Variants in PIWIL2 observed in about 807,000 individuals in gnomAD.
The protein encoded by PIWIL2 is piwi like RNA-mediated gene silencing 2.
A neutral mutation model predicts 116.5 loss-of-function variants in PIWIL2; 81 were observed. That is an observed-to-expected ratio of 0.70 (90% CI 0.58 to 0.84). The LOEUF is 0.84. Ranked by LOEUF, PIWIL2 falls within the 40% of genes least tolerant of loss-of-function variation. The pLI, the probability that PIWIL2 is intolerant of heterozygous loss-of-function variation, is 0.00. For missense variants in PIWIL2, 1,272 were observed against 1,212.3 expected, an observed-to-expected ratio of 1.05 and a Z score of -0.73; for synonymous variants, 489 against 429.5, an observed-to-expected ratio of 1.14 and a Z score of -1.71.
chr8:22,314,831 ATG>A (rs536104435), intron 17 of PIWIL2, among the ~76,000 whole-genome samples, 196 bp from the exon 18 acceptor site: 7 of 150,720 alleles, frequency 4.6e-5, no homozygotes, highest in African/African-American at 1.5e-4. Flanking sequence ...GTGTGTGTGT[ATG>A]TGTGTGTGTG....
At chr8:22,314,548 G>A (rs569023685) in intron 17 of PIWIL2, 119 bp downstream of exon 17, 17 of 473,154 alleles carry the variant, frequency 3.6e-5, no homozygotes, top group Non-Finnish European at 5.2e-5. Flanking sequence ...TATGTGCTGA[G>A]CCTTCTGGTG....
At position 22,281,316 on chromosome 8, in the gene PIWIL2, A is replaced by C. The variant is rs915178398; in HGVS notation, c.287-61A>C. On this transcript the variant is annotated intron_variant, in intron 3 of 22. Transcript: ENST00000356766. ...TAACTGTGCTTTTTTTAAAAAAAAA[A>C]ACTATACTTTAAAACACGTTTAAGT... is the stretch of plus-strand genomic sequence containing the variant. 3.2e-6 allele frequency: 5 copies of C among 1,571,260 alleles called. No homozygotes were observed. In the African/African-American group the frequency reaches 4.2e-5, roughly 13 times the overall value.
Position 22,295,043 on chromosome 8 carries a change from T to C in PIWIL2, c.1181+4697T>C, listed in dbSNP as rs1235375365. 2.0e-5 allele frequency among the ~76,000 whole-genome samples: 3 copies of C among 151,878 alleles called. No homozygotes were observed. The East Asian group carries it at 5.8e-4, about 29-fold the overall frequency. ...GCAGTGAGCCGAGATCGTGCCAGTG[T>C]ACTCTAGCCTGGGCAACAGAGCGAG... is the stretch of plus-strand genomic sequence containing the variant. On this transcript the variant is annotated intron_variant, in intron 10 of 22. Coordinates refer to ENST00000356766, the MANE Select transcript of PIWIL2 (RefSeq NM_018068.5).
intron 20 of PIWIL2, among the ~76,000 whole-genome samples, chr8:22,343,297 G>A (rs1344467669): frequency 6.6e-6 from 1 of 152,108 alleles, no homozygotes; most frequent in African/African-American, 2.4e-5. Context: ...CTGTAATCCT[G>A]GTGGCGCATG....
intron 20 of PIWIL2, among the ~76,000 whole-genome samples, chr8:22,323,749 A>G (rs1210815770): frequency 1.3e-5 from 2 of 152,230 alleles, no homozygotes; most frequent in Admixed American, 1.3e-4. Flanking sequence ...AGTCCTACTC[A>G]GTCATAAATA....
chr8:22,338,976 G>A (rs1832043857), intron 20 of PIWIL2, among the ~76,000 whole-genome samples: 1 of 152,204 alleles, frequency 6.6e-6, no homozygotes, highest in South Asian at 2.1e-4. Flanking sequence ...CAGTAGCATT[G>A]AGATAGACTC....
chr8:22,340,381 C>T (rs527908017), intron 20 of PIWIL2, among the ~76,000 whole-genome samples: 22 of 152,202 alleles, frequency 1.4e-4, no homozygotes, highest in Admixed American at 1.2e-3. Flanking sequence ...TGCATTGAGA[C>T]CATACTACGT....
chr8:22,332,165 T>C (rs1831877813), intron 20 of PIWIL2, among the ~76,000 whole-genome samples: 1 of 151,936 alleles, frequency 6.6e-6, no homozygotes, highest in Admixed American at 6.6e-5. Flanking sequence ...ATTAGCCAGG[T>C]GTGGTGCTGC....
At chr8:22,355,213 C>T in intron 22 of PIWIL2, 136 bp from the exon 23 acceptor site, 1 of 665,666 alleles carries the variant, frequency 1.5e-6, no homozygotes, top group South Asian at 2.4e-5. Context: ...TAAAAAGCTG[C>T]ATCATGTATT....
At chr8:22,353,433 G>C (rs1025013361) in intron 21 of PIWIL2, among the ~76,000 whole-genome samples, 1 of 152,154 alleles carries the variant, frequency 6.6e-6, no homozygotes, top group Non-Finnish European at 1.5e-5. Flanking sequence ...TAGATCACCT[G>C]AGGTCAGGAG....
In PIWIL2 at chr8:22,324,263, A is replaced by G. The variant is rs113240605; in HGVS notation, c.2403+5988A>G. The stretch of plus-strand genomic sequence containing the variant: ...GGCGACAAAGCAAGACTTTGTCTCA[A>G]AAAAAAGGAATATTGGATTTTGCTC... On this transcript the variant is annotated intron_variant, in intron 20 of 22. Coordinates refer to ENST00000356766, the MANE Select transcript of PIWIL2 (RefSeq NM_018068.5). 6.8e-3 allele frequency among the ~76,000 whole-genome samples: 1,040 copies of G among 152,248 alleles called. 10 individuals carry two copies. The highest frequency in any genetic ancestry group is 0.024 in the African/African-American group (1,004 of 41,548).
intron 5 of PIWIL2, 129 bp downstream of exon 5, chr8:22,283,369 G>GT: frequency 1.0e-5 from 7 of 690,476 alleles, no homozygotes; most frequent in East Asian, 2.7e-5. Flanking sequence ...GGGGTGTTTT[G>GT]TTTTTTGCCA....
At chr8:22,319,927 G>T (rs1391509715) in intron 20 of PIWIL2, among the ~76,000 whole-genome samples, 1 of 152,164 alleles carries the variant, frequency 6.6e-6, no homozygotes, top group Non-Finnish European at 1.5e-5. Context: ...GGTGGCAAGG[G>T]TCTGAAAGAA....
intron 20 of PIWIL2, chr8:22,321,870 C>A: frequency 4.1e-6 from 4 of 985,186 alleles, no homozygotes; most frequent in Non-Finnish European, 3.6e-6. Flanking sequence ...ACCGGAAGTT[C>A]CAACACCTCC....
At chr8:22,283,531 C>A (rs904288608) in intron 5 of PIWIL2, among the ~76,000 whole-genome samples, 4 of 152,244 alleles carry the variant, frequency 2.6e-5, no homozygotes, top group African/African-American at 4.8e-5. Flanking sequence ...GCCTCAACCT[C>A]CCAAGTAGTT....
chr8:22,314,483 C>A, intron 17 of PIWIL2, 54 bp downstream of exon 17: 2 of 879,834 alleles, frequency 2.3e-6, no homozygotes, highest in South Asian at 1.9e-5. Context: ...CTCCCCGAGG[C>A]TTGAGAAGAG....
rs114011006 is a variant in PIWIL2, at chr8:22,276,997, G to A, written c.-47+1599G>A. ...AGGAGCCCCTTAAAGAGGGAGTCTT[G>A]AAATCTGTAGGTTATAAAGTGATAT... On this transcript the variant is annotated intron_variant, in intron 1 of 22. Transcript: ENST00000356766. Among the ~76,000 whole-genome samples, 1,459 of 151,662 alleles carry A rather than the reference G, an allele frequency of 9.6e-3. 28 individuals carry two copies. Among genetic ancestry groups the A allele is most frequent in the African/African-American group, 0.033 (1,379 of 41,314 alleles).
At chr8:22,293,537 C>G (rs968737581) in intron 10 of PIWIL2, among the ~76,000 whole-genome samples, 1 of 152,146 alleles carries the variant, frequency 6.6e-6, no homozygotes, top group Admixed American at 6.5e-5. Context: ...GTTGGCCAGG[C>G]TGGTCTTGAA....
chr8:22,352,819 C>A (rs572700075), intron 20 of PIWIL2, 140 bp from the exon 21 acceptor site: 2 of 806,126 alleles, frequency 2.5e-6, no homozygotes, highest in Admixed American at 2.9e-5. Context: ...TTTCCCTGCC[C>A]TCTAGGCACA....
Sources: allele counts gnomAD v4.1 joint callset (sites outside exome capture counted in the v4.1 genomes callset), GRCh38; gene constraint gnomAD v4.1.1; transcripts MANE v1.5; gene names NCBI Gene and HGNC (gene_info 2026-07-23, HGNC 2026-07-21).